ELF2: variants seen among roughly 807,000 people sequenced by gnomAD.
ELF2 encodes the protein E74 like ETS transcription factor 2.
Under a neutral mutation model 54.8 loss-of-function variants are expected in ELF2, and 11 were observed. The observed-to-expected ratio is 0.20, with a 90% CI of 0.13 to 0.33. The LOEUF is 0.33. ELF2 is among the 10% of genes least tolerant of loss of function. ELF2 has a pLI of 1.00. For missense variants in ELF2, 513 were observed against 703.0 expected (o/e 0.73, Z 3.06); for synonymous variants, 203 against 245.1 (o/e 0.83, Z 1.61).
intron 7 of ELF2, 150 bp downstream of exon 7, chr4:139,067,534 G>A (rs1350476566): frequency 1.3e-5 from 9 of 700,734 alleles, no homozygotes; most frequent in South Asian, 6.7e-5. Context: ...AGCTCCCCAC[G>A]TGATGCTGAT....
At chr4:139,140,208 C>G (rs1345037813) in intron 1 of ELF2, among the ~76,000 whole-genome samples, 1 of 152,188 alleles carries the variant, frequency 6.6e-6, no homozygotes, top group Admixed American at 6.5e-5. Flanking sequence ...TCCTGAGTCA[C>G]TATTAGACAT....
intron 1 of ELF2, among the ~76,000 whole-genome samples, chr4:139,158,681 G>C (rs776266545): frequency 5.9e-5 from 9 of 152,078 alleles, no homozygotes; most frequent in Non-Finnish European, 1.3e-4. Flanking sequence ...TGTATGAATT[G>C]AAAAACTAAA....
intron 4 of ELF2, among the ~76,000 whole-genome samples, chr4:139,120,737 T>G (rs1736230510): frequency 6.6e-6 from 1 of 152,152 alleles, no homozygotes; most frequent in South Asian, 2.1e-4. Context: ...ATTTCCTACT[T>G]AAAACCTTCC....
At chr4:139,147,468 A>AAATCT (rs1739333045) in intron 1 of ELF2, among the ~76,000 whole-genome samples, 1 of 152,146 alleles carries the variant, frequency 6.6e-6, no homozygotes, top group Admixed American at 6.5e-5. Context: ...TATGCAAAAC[A>AAATCT]GTATGGAGAT....
rs181209830 is a variant in ELF2 at position 139,128,971 on chromosome 4, G to A, written c.73-3642C>T. Among the ~76,000 whole-genome samples, 475 of 148,592 alleles carry A rather than the reference G, an allele frequency of 3.2e-3. 2 individuals are homozygous for A. Among genetic ancestry groups the A allele is most frequent in the Admixed American group, 5.1e-3 (76 of 14,852 alleles). Reference sequence around the variant, plus strand: ...ACTTTCTTTTTTGAAATGGAGTTTCGCTCGTTGCCCAGGCTGGAGTGCAAT... The same window carrying A: ...ACTTTCTTTTTTGAAATGGAGTTTCACTCGTTGCCCAGGCTGGAGTGCAAT... On this transcript the variant is annotated intron_variant, in intron 3 of 9. Transcript: ENST00000686138.
At chr4:139,107,934 A>G (rs1443730809) in intron 4 of ELF2, among the ~76,000 whole-genome samples, 2 of 152,078 alleles carry the variant, frequency 1.3e-5, no homozygotes, top group South Asian at 2.1e-4. Flanking sequence ...AAACCTTACC[A>G]AGTTGTGGAA....
intron 4 of ELF2, among the ~76,000 whole-genome samples, chr4:139,118,797 G>A (rs1294432050): frequency 6.6e-6 from 1 of 152,120 alleles, no homozygotes; most frequent in Non-Finnish European, 1.5e-5. Context: ...TGAAGTCACA[G>A]GGAAGGTGCT....
intron 1 of ELF2, among the ~76,000 whole-genome samples, chr4:139,151,045 A>G (rs1047324887): frequency 2.5e-5 from 2 of 79,198 alleles, no homozygotes; most frequent in African/African-American, 7.2e-5. Flanking sequence ...AGAAAGAAAG[A>G]AAGAAAGAAA....
At chr4:139,115,280 C>T (rs1431791690) in intron 4 of ELF2, 4 of 1,600,000 alleles carry the variant, frequency 2.5e-6, no homozygotes, top group Non-Finnish European at 3.4e-6. Context: ...CCGGGGGGGG[C>T]TCTGAAAGTA....
At chr4:139,115,043 C>T in intron 4 of ELF2, 2 of 1,613,984 alleles carry the variant, frequency 1.2e-6, no homozygotes, top group Non-Finnish European at 8.5e-7. Flanking sequence ...TTGACCGTGG[C>T]AGCCCGGGCA....
intron 4 of ELF2, among the ~76,000 whole-genome samples, chr4:139,092,957 A>G (rs1211565424): frequency 1.3e-5 from 2 of 150,152 alleles, no homozygotes; most frequent in Non-Finnish European, 3.0e-5. Flanking sequence ...TGAATAGAAT[A>G]GTAAATAATT....
intron 4 of ELF2, among the ~76,000 whole-genome samples, chr4:139,113,404 C>G (rs1322767963): frequency 6.6e-6 from 1 of 152,000 alleles, no homozygotes; most frequent in Non-Finnish European, 1.5e-5. Context: ...GCCTGTAATC[C>G]CAGCACTCTG....
At chr4:139,098,445 A>T (rs564678799) in intron 4 of ELF2, among the ~76,000 whole-genome samples, 3 of 152,064 alleles carry the variant, frequency 2.0e-5, no homozygotes, top group Admixed American at 6.5e-5. Context: ...CTTTTCTGGT[A>T]AACAGATTTC....
At chr4:139,073,228 T>C (rs918350098) in intron 5 of ELF2, among the ~76,000 whole-genome samples, 1 of 152,210 alleles carries the variant, frequency 6.6e-6, no homozygotes, top group South Asian at 2.1e-4. Flanking sequence ...TAATAAATAT[T>C]TGTCTATCTA....
intron 4 of ELF2, chr4:139,084,438 G>GGGCGGCGGCGGCAGGGGCAGGGGCGGC (rs1731706112): frequency 1.8e-6 from 2 of 1,118,152 alleles, no homozygotes; most frequent in Non-Finnish European, 2.2e-6. Flanking sequence ...GCAGGGGCAG[G>GGGCGGCGGCGGCAGGGGCAGGGGCGGC]GGCGGCGGCG....
intron 1 of ELF2, among the ~76,000 whole-genome samples, chr4:139,167,059 T>C (rs1389753229): frequency 6.6e-6 from 1 of 152,206 alleles, no homozygotes; most frequent in Non-Finnish European, 1.5e-5. Flanking sequence ...CATTTACTTT[T>C]TCTCCCTACT....
In ELF2 at chr4:139,071,961, G is replaced by T. The variant is rs1049493303; in HGVS notation, c.431C>A (p.Thr144Asn). 7 of 1,613,838 alleles carry T rather than the reference G, an allele frequency of 4.3e-6. No homozygotes were observed. The highest frequency in any genetic ancestry group is 5.1e-6 in the Non-Finnish European group (6 of 1,179,990). Residue 144 changes from threonine to asparagine, a missense_variant, in exon 6 of 10, where the codon ACT (threonine) becomes AAT (asparagine). By Grantham distance (65) the Thr-to-Asn change is moderately conservative. Coordinates refer to ENST00000686138, the MANE Select transcript of ELF2 (RefSeq NM_001331036.3). The part of the protein sequence containing the change: ...AAMRPDVITE[T>N]VVEVSTEESE... ...CTCTTCAGTTGACACCTCCACTACA[G>T]TTTCTGTAATGACATCTGGCCTCAT...
intron 4 of ELF2, chr4:139,084,181 A>T (rs1176217970): frequency 1.2e-6 from 2 of 1,613,404 alleles, no homozygotes; most frequent in East Asian, 4.5e-5. Context: ...TCATGCAGAG[A>T]CGTCGCCATG....
At chr4:139,083,598 G>C (rs1004351645) in intron 4 of ELF2, among the ~76,000 whole-genome samples, 1 of 152,166 alleles carries the variant, frequency 6.6e-6, no homozygotes, top group Non-Finnish European at 1.5e-5. Context: ...GCCCCTGGCT[G>C]CCTGGTCCAT....
Sources: gnomAD v4.1 joint callset for allele counts (sites outside exome capture counted in the v4.1 genomes callset) on GRCh38, gnomAD v4.1.1 for gene constraint, MANE v1.5 for transcripts, NCBI Gene and HGNC (gene_info 2026-07-23, HGNC 2026-07-21) for gene names.